The following MAST2 variants were observed in gnomAD, a reference collection of about 807,000 sequenced individuals.
The protein encoded by MAST2 is microtubule-associated serine/threonine-protein kinase 2.
A neutral mutation model predicts 147.4 loss-of-function variants in MAST2; 70 were observed. That is an observed-to-expected ratio of 0.47 (90% CI 0.39 to 0.58). The LOEUF (loss-of-function observed/expected upper bound fraction) is 0.58. Ranked by LOEUF, MAST2 falls within the 20% of genes least tolerant of loss-of-function variation. MAST2 has a pLI of 0.00. For synonymous variants in MAST2, 869 were observed against 896.8 expected (o/e 0.97, Z 0.55); for missense variants, 2,080 against 2,302.3 (o/e 0.90, Z 1.98).
At chr1:45,958,693 T>C (rs190143593) in intron 4 of MAST2, among the ~76,000 whole-genome samples, 1 of 152,322 alleles carries the variant, frequency 6.6e-6, no homozygotes, top group East Asian at 1.9e-4. Context: ...GTAGTAGGTG[T>C]TCAATAAATA....
At chr1:46,019,301 C>T (rs1646086156) in intron 10 of MAST2, among the ~76,000 whole-genome samples, 1 of 152,126 alleles carries the variant, frequency 6.6e-6, no homozygotes, top group South Asian at 2.1e-4. Flanking sequence ...CCATTGAGAG[C>T]TGCCCCTTGA....
At chr1:45,904,101 A>G (rs1306016903) in intron 4 of MAST2, among the ~76,000 whole-genome samples, 2 of 152,124 alleles carry the variant, frequency 1.3e-5, no homozygotes, top group African/African-American at 4.8e-5. Context: ...CCTGGTCTCA[A>G]GTGATCCTCC....
intron 16 of MAST2, 134 bp downstream of exon 16, chr1:46,025,949 G>T: frequency 5.9e-6 from 7 of 1,181,946 alleles, no homozygotes; most frequent in Non-Finnish European, 8.5e-6. Flanking sequence ...GTCCATCTGG[G>T]CCTAGTTCTC....
chr1:45,897,575 A>G (rs1000843472), intron 4 of MAST2, among the ~76,000 whole-genome samples: 4 of 152,144 alleles, frequency 2.6e-5, no homozygotes, highest in South Asian at 4.1e-4. Flanking sequence ...TTGGGAGGCC[A>G]AGGCAGGAGG....
chr1:45,888,128 T>C (rs1647174701), intron 4 of MAST2, among the ~76,000 whole-genome samples: 1 of 152,182 alleles, frequency 6.6e-6, no homozygotes, highest in South Asian at 2.1e-4. Context: ...CTCATAACTG[T>C]CCATTCACCA....
At chr1:45,974,238 G>T (rs927178893) in intron 5 of MAST2, among the ~76,000 whole-genome samples, 1 of 152,176 alleles carries the variant, frequency 6.6e-6, no homozygotes, top group Non-Finnish European at 1.5e-5. Flanking sequence ...AGGGGAGGAT[G>T]TGGGGAATAC....
chr1:45,942,146 C>CTT (rs35794621), intron 4 of MAST2, among the ~76,000 whole-genome samples: 12 of 143,486 alleles, frequency 8.4e-5, no homozygotes, highest in East Asian at 2.0e-4. Flanking sequence ...TAGTGGGTTT[C>CTT]TTTTTTTTTT....
At chr1:45,885,093 A>AC (rs1647023254) in intron 4 of MAST2, among the ~76,000 whole-genome samples, 2 of 152,222 alleles carry the variant, frequency 1.3e-5, no homozygotes, top group Non-Finnish European at 2.9e-5. Context: ...ACTGATGTTA[A>AC]TAAAATGAGT....
At position 45,993,817 on chromosome 1, in the gene MAST2, C is replaced by T. The variant is rs532198931; in HGVS notation, c.593-3907C>T. On this transcript the variant is annotated intron_variant, in intron 5 of 28. Transcript: ENST00000361297. ...CACCAAGCAGAAGTTTGGGGGTTCC[C>T]AGGTCACCCATACTTCTGACAAAAT... 5.3e-5 allele frequency among the ~76,000 whole-genome samples: 8 copies of T among 152,192 alleles called. No homozygotes were observed. The South Asian group carries it at 1.5e-3, about 28-fold the overall frequency.
rs149034005 is a variant in MAST2, at chr1:45,870,455, A to G, written c.469-11909A>G. ...CATCTTGAGGTAGTTTTGGTAAGGT[A>G]TATGTTTTTAAGAGTTTGTCCATTT... On this transcript the variant is annotated intron_variant, in intron 3 of 28. Transcript: ENST00000361297. Among the ~76,000 whole-genome samples the G allele has an allele frequency of 2.3e-3, 346 of 151,614 alleles. 1 individual carries two copies. Among genetic ancestry groups the G allele is most frequent in the African/African-American group, 7.5e-3 (309 of 41,440 alleles).
At position 45,977,315 on chromosome 1, in the gene MAST2, C is replaced by T. The variant is rs142603961; in HGVS notation, c.592+17838C>T. ...CCAGCCTGGCTGACATGGTGAAACC[C>T]GGTCTCTACTAAAAATACAAAAATT... On this transcript the variant is annotated intron_variant, in intron 5 of 28. Transcript: ENST00000361297. 3.0e-3 allele frequency among the ~76,000 whole-genome samples: 456 copies of T among 151,436 alleles called. 3 individuals are homozygous for T. The highest frequency in any genetic ancestry group is 0.02 in the East Asian group (101 of 5,110).
intron 3 of MAST2, among the ~76,000 whole-genome samples, chr1:45,838,582 TAAAA>T (rs978786115): frequency 1.3e-5 from 2 of 151,932 alleles, no homozygotes; most frequent in African/African-American, 2.4e-5. Context: ...TTTGTCTATT[TAAAA>T]AAAAATTTTT....
chr1:45,902,470 T>TAA (rs1649946348), intron 4 of MAST2, among the ~76,000 whole-genome samples: 1 of 152,178 alleles, frequency 6.6e-6, no homozygotes, highest in Admixed American at 6.5e-5. Context: ...CAGATTTTGG[T>TAA]ATCAGGATGA....
At chr1:45,879,556 G>A (rs1646752873) in intron 3 of MAST2, among the ~76,000 whole-genome samples, 1 of 127,922 alleles carries the variant, frequency 7.8e-6, no homozygotes, top group Non-Finnish European at 1.6e-5. Context: ...CTGGGTGACA[G>A]AGCGAGACTC....
Position 45,803,651 on chromosome 1 carries a change from AC to A in MAST2, c.-244del. The A allele has an allele frequency of 3.6e-6, 1 of 280,250 alleles. No homozygotes were observed. The highest frequency in any genetic ancestry group is 6.1e-5 in the East Asian group (1 of 16,380). The allele number at this position is 280,250 out of a possible 1,614,324, so 17.4% of individuals were successfully genotyped here. A position where few individuals can be genotyped will look rare whatever the true frequency, so the allele number is the denominator to read the frequency against. On this transcript the variant is annotated 5_prime_UTR_variant, in exon 1 of 29. Coordinates refer to ENST00000361297, the MANE Select transcript of MAST2 (RefSeq NM_015112.3). The stretch of plus-strand genomic sequence containing the variant: ...GAGCCGGCGGCGGGTGGCCTGCCCA[AC>A]GTGTGCTGGGTGGGAGAAGGCGAGG...
At chr1:45,924,496 G>A (rs377162829) in intron 4 of MAST2, among the ~76,000 whole-genome samples, 2 of 152,130 alleles carry the variant, frequency 1.3e-5, no homozygotes, top group African/African-American at 2.4e-5. Context: ...CTAGGAGGGG[G>A]GACTTCCAGG....
intron 3 of MAST2, among the ~76,000 whole-genome samples, 173 bp from the exon 4 acceptor site, chr1:45,882,191 C>CA (rs869149432): frequency 1.8e-3 from 124 of 67,736 alleles, no homozygotes; most frequent in Middle Eastern, 7.9e-3. Flanking sequence ...GACTCCGTCT[C>CA]AAAAAAAAAA....
At chr1:46,013,559 A>C (rs1391328793) in intron 10 of MAST2, among the ~76,000 whole-genome samples, 1 of 152,130 alleles carries the variant, frequency 6.6e-6, no homozygotes, top group African/African-American at 2.4e-5. Context: ...GCACGCCTGT[A>C]ATCCCAGCCG....
chr1:45,890,262 C>T lies in MAST2; in HGVS notation c.500+7867C>T, dbSNP rs538297814. On this transcript the variant is annotated intron_variant, in intron 4 of 28. Transcript: ENST00000361297. Reference sequence around the variant, plus strand: ...ATAAAGAACTATTTGTCTGCCTTTTCCCGTTGTGTAGTATGTAAGTATTAG... The same window carrying T: ...ATAAAGAACTATTTGTCTGCCTTTTTCCGTTGTGTAGTATGTAAGTATTAG... 9.8e-5 allele frequency among the ~76,000 whole-genome samples: 15 copies of T among 152,346 alleles called. No homozygotes were observed. In the East Asian group the frequency reaches 1.5e-3, roughly 16 times the overall value.
Sources: gnomAD v4.1 joint callset for allele counts (sites outside exome capture counted in the v4.1 genomes callset) on GRCh38, gnomAD v4.1.1 for gene constraint, MANE v1.5 for transcripts, NCBI Gene and HGNC (gene_info 2026-07-23, HGNC 2026-07-21) for gene names.